PRKAR1A: variants seen among roughly 807,000 people sequenced by gnomAD.
PRKAR1A encodes the protein protein kinase cAMP-dependent type I regulatory subunit alpha.
PRKAR1A carries 3 observed loss-of-function variants against 52.0 expected under a neutral mutation model. The ratio of observed to expected loss-of-function variants is 0.06; its 90% CI spans 0.03 to 0.15. The LOEUF (loss-of-function observed/expected upper bound fraction) is 0.15, where lower values mean the gene tolerates loss of function less well. Ranked by LOEUF, PRKAR1A falls within the 10% of genes least tolerant of loss-of-function variation. PRKAR1A has a pLI of 1.00. For missense variants in PRKAR1A, 240 were observed against 477.4 expected, an observed-to-expected ratio of 0.50 and a Z score of 4.63; for synonymous variants, 188 against 168.4, an observed-to-expected ratio of 1.12 and a Z score of -0.90.
At chr17:68,510,187 G>C (rs1422232000), upstream of PRKAR1A, among the ~76,000 whole-genome samples, 3 of 151,540 alleles carry the variant, frequency 2.0e-5, no homozygotes, top group Non-Finnish European at 4.4e-5. Flanking sequence ...GAGAGAGAGA[G>C]AGAGAGAGAT....
At chr17:68,490,269 G>A in the PRKAR1A span, among the ~76,000 whole-genome samples, 1 of 152,232 alleles carries the variant, frequency 6.6e-6, no homozygotes, top group Non-Finnish European at 1.5e-5. Flanking sequence ...GCAAGCGTGC[G>A]GGGCCTTTCC....
rs539824654 is a variant in PRKAR1A at position 68,531,392 on chromosome 17, G to T, written c.*943G>T. 6.6e-6 allele frequency: 7 copies of T among 1,065,730 alleles called. No individual in the cohort carries two copies. In the African/African-American group the frequency reaches 9.8e-5, roughly 15 times the overall value. The allele number at this position is 1,065,730 out of a possible 1,614,324, so 66.0% of individuals were successfully genotyped here. ...CTCATTAAACTGATTCCAGGAGATT[G>T]GATTTGCTGTGACTAGATACAGATG... On this transcript the variant is annotated 3_prime_UTR_variant, in exon 11 of 11. Coordinates refer to ENST00000589228, the MANE Select transcript of PRKAR1A (RefSeq NM_002734.5).
At chr17:68,460,509 C>T in the PRKAR1A span, among the ~76,000 whole-genome samples, 229 of 152,322 alleles carry the variant, frequency 1.5e-3, 1 homozygote, top group African/African-American at 5.2e-3. Flanking sequence ...TGGTCACCTT[C>T]CCAGCCTCAG....
At chr17:68,510,159 C>CAGAGAGAGGAGAGAGAGAG (rs1555810694), upstream of PRKAR1A, among the ~76,000 whole-genome samples, 35 of 127,628 alleles carry the variant, frequency 2.7e-4, no homozygotes, top group Admixed American at 7.1e-4. Context: ...TATATGTAGA[C>CAGAGAGAGGAGAGAGAGAG]AGAGAGAGAG....
At chr17:68,447,113 C>A in the PRKAR1A span, among the ~76,000 whole-genome samples, 1 of 152,284 alleles carries the variant, frequency 6.6e-6, no homozygotes, top group East Asian at 1.9e-4. Flanking sequence ...GCAATAACTC[C>A]TTTTATCAAT....
the PRKAR1A span, among the ~76,000 whole-genome samples, chr17:68,496,818 CTTTTTT>C: frequency 2.5e-4 from 23 of 91,218 alleles, 1 homozygote; most frequent in Admixed American, 1.2e-3. Context: ...TTAGTTTTTA[CTTTTTT>C]TTTTTTTTTT....
chr17:68,457,845 C>T, the PRKAR1A span, among the ~76,000 whole-genome samples: 2 of 152,176 alleles, frequency 1.3e-5, no homozygotes, highest in East Asian at 3.9e-4. Flanking sequence ...AGGCAGCAGG[C>T]CCACGTGGCG....
the PRKAR1A span, among the ~76,000 whole-genome samples, chr17:68,471,341 A>G: frequency 1.3e-5 from 2 of 152,196 alleles, no homozygotes. Flanking sequence ...AAATGTATAT[A>G]TGAATATGCA....
the PRKAR1A span, among the ~76,000 whole-genome samples, chr17:68,425,279 C>T: frequency 2.6e-5 from 4 of 152,236 alleles, no homozygotes; most frequent in Non-Finnish European, 4.4e-5. Flanking sequence ...TCAGAGCTCA[C>T]TGCAGCCTCG....
the PRKAR1A span, among the ~76,000 whole-genome samples, chr17:68,483,871 AAAAG>A: frequency 6.6e-6 from 1 of 152,036 alleles, no homozygotes; most frequent in African/African-American, 2.4e-5. Context: ...CAAAAAAAAA[AAAAG>A]AAAGAAAAGA....
At chr17:68,430,123 C>T in the PRKAR1A span, 10 of 1,614,034 alleles carry the variant, frequency 6.2e-6, no homozygotes, top group Non-Finnish European at 6.8e-6. Flanking sequence ...AACATCTTTC[C>T]CATGTAGCCA....
At chr17:68,537,056 GTGTTT>G, downstream of PRKAR1A, 1 of 457,182 alleles carries the variant, frequency 2.2e-6, no homozygotes, top group East Asian at 6.9e-5. This position sits in a 1 kb window ranked among gnomAD's most constrained non-coding sequence, Gnocchi z 4.2. Context: ...GATAGGCCAG[GTGTTT>G]TGTCTGGACC....
chr17:68,469,465 T>C, the PRKAR1A span, among the ~76,000 whole-genome samples: 2 of 152,216 alleles, frequency 1.3e-5, no homozygotes, highest in Non-Finnish European at 2.9e-5. Flanking sequence ...CAAAGTTCCA[T>C]GAGGATGGGG....
intron 2 of PRKAR1A, among the ~76,000 whole-genome samples, chr17:68,519,034 TACTATC>T (rs1172221087): frequency 1.3e-5 from 2 of 152,206 alleles, no homozygotes; most frequent in Non-Finnish European, 2.9e-5. Flanking sequence ...TTGTCCATAT[TACTATC>T]AGCATTTTGG....
At chr17:68,456,523 T>TA in the PRKAR1A span, among the ~76,000 whole-genome samples, 1 of 152,172 alleles carries the variant, frequency 6.6e-6, no homozygotes, top group Non-Finnish European at 1.5e-5. Flanking sequence ...CGTTTGCCTG[T>TA]AAGTCACAGA....
At chr17:68,487,614 G>A in the PRKAR1A span, among the ~76,000 whole-genome samples, 1 of 151,890 alleles carries the variant, frequency 6.6e-6, no homozygotes, top group Admixed American at 6.6e-5. Context: ...CAGCCTGACC[G>A]ACATCGTGAA....
intron 1 of PRKAR1A, chr17:68,513,318 T>TGAGAGAG (rs2085329503): frequency 6.6e-6 from 1 of 152,246 alleles, no homozygotes; most frequent in Non-Finnish European, 1.5e-5. Flanking sequence ...ACGACCGTCC[T>TGAGAGAG]ACTCCTTGAG....
the PRKAR1A span, chr17:68,425,972 T>C: frequency 1.0e-5 from 9 of 859,340 alleles, no homozygotes; most frequent in Admixed American, 6.7e-5. Context: ...TTAGTTGTTA[T>C]AGATTAGAAA....
At chr17:68,440,029 T>C in the PRKAR1A span, among the ~76,000 whole-genome samples, 6 of 152,194 alleles carry the variant, frequency 3.9e-5, no homozygotes, top group Non-Finnish European at 7.3e-5. Context: ...TAAGCTAATA[T>C]TGAACTTTCT....
Sources: allele counts gnomAD v4.1 joint callset (sites outside exome capture counted in the v4.1 genomes callset), GRCh38; gene constraint gnomAD v4.1.1; non-coding constraint Gnocchi (gnomAD v3.1); transcripts MANE v1.5; gene names NCBI Gene and HGNC (gene_info 2026-07-23, HGNC 2026-07-21).